SPRED2: variants seen among roughly 807,000 people sequenced by gnomAD.
The protein encoded by SPRED2 is sprouty-related, EVH1 domain-containing protein 2.
A neutral mutation model predicts 43.0 loss-of-function variants in SPRED2; 47 were observed. The observed-to-expected ratio is 1.09, with a 90% CI of 0.87 to 1.40. The LOEUF (loss-of-function observed/expected upper bound fraction) is 1.40, where lower values mean the gene tolerates loss of function less well. Among genes scored for constraint, SPRED2 ranks in the 40% most tolerant of loss-of-function variants. The probability of loss-of-function intolerance (pLI) is 0.00; values close to 1 mark genes in which losing one functional copy is unlikely to be tolerated. For missense variants in SPRED2, 561 were observed against 586.4 expected (o/e 0.96, Z 0.45); for synonymous variants, 225 against 225.7 (o/e 1.00, Z 0.03).
intron 4 of SPRED2, among the ~76,000 whole-genome samples, chr2:65,326,818 T>A (rs759747645): frequency 1.5e-4 from 23 of 152,098 alleles, no homozygotes; most frequent in Non-Finnish European, 3.1e-4. Flanking sequence ...AAAACAATTT[T>A]GTGAAAAATT....
At chr2:65,327,713 C>CTTTTTTTTTTTTTTTTTTTTTTT (rs555549300) in intron 4 of SPRED2, among the ~76,000 whole-genome samples, 2 of 74,446 alleles carry the variant, frequency 2.7e-5, no homozygotes, top group Non-Finnish European at 4.9e-5. Context: ...TTCTTTCTTT[C>CTTTTTTTTTTTTTTTTTTTTTTT]TTTTTTTTTT....
At chr2:65,326,121 A>G (rs139605911) in intron 4 of SPRED2, among the ~76,000 whole-genome samples, 1,563 of 152,312 alleles carry the variant, frequency 0.01, 9 homozygotes, top group South Asian at 0.046. Flanking sequence ...TTTTGCTGCA[A>G]TCTACCACCA....
At chr2:65,342,113 A>T (rs1674200914) in intron 2 of SPRED2, among the ~76,000 whole-genome samples, 1 of 150,610 alleles carries the variant, frequency 6.6e-6, no homozygotes, top group Admixed American at 6.6e-5. Flanking sequence ...ACAAACAGAA[A>T]AACATTTTAT....
chr2:65,307,277 C>T (rs147902022), downstream of SPRED2, among the ~76,000 whole-genome samples: 11 of 152,140 alleles, frequency 7.2e-5, no homozygotes, highest in Non-Finnish European at 1.6e-4. Context: ...CTCACTGCAG[C>T]CTTTGCCTCC....
intron 2 of SPRED2, among the ~76,000 whole-genome samples, chr2:65,342,875 G>C (rs10165161): frequency 0.23 from 34,956 of 152,118 alleles, 4,750 homozygotes; most frequent in African/African-American, 0.38. Flanking sequence ...TACTCTGGAG[G>C]ATGAGGTGGG....
downstream of SPRED2, chr2:65,308,205 G>C (rs892341355): frequency 1.4e-6 from 1 of 695,108 alleles, no homozygotes; most frequent in Non-Finnish European, 1.8e-6. Flanking sequence ...GAGAAGCGGG[G>C]TGGGAGGTTC....
At chr2:65,355,015 G>A (rs757309028) in intron 1 of SPRED2, among the ~76,000 whole-genome samples, 6 of 152,222 alleles carry the variant, frequency 3.9e-5, no homozygotes, top group African/African-American at 9.6e-5. Flanking sequence ...TCAGGCCTGG[G>A]GGGACTGGCA....
rs200147258 is a variant in SPRED2, at chr2:65,313,790, C to T, written c.968G>A (p.Arg323Gln). Residue 323 changes from arginine to glutamine, a missense_variant, in exon 6 of 6, where the codon CGG becomes CAG. This residue lies in a region of SPRED2 where 164 missense variants were observed against 164.1 expected (regional missense o/e 1.00). Coordinates refer to ENST00000356388, the MANE Select transcript of SPRED2 (RefSeq NM_181784.3). ...GTCGGGCGCGTCCTGGCAGTGGCCC[C>T]GGCGGTTCTCCTCGTGGTTGAACAT... ...RDMFNHEENR[R>Q]GHCQDAPDSV... 11 of 1,613,982 alleles carry T rather than the reference C, an allele frequency of 6.8e-6. No individual in the cohort carries two copies. Among genetic ancestry groups the T allele is most frequent in the Non-Finnish European group, 9.3e-6 (11 of 1,180,038 alleles).
chr2:65,334,301 T>A (rs754705014), intron 3 of SPRED2: 2 of 498,680 alleles, frequency 4.0e-6, no homozygotes, highest in South Asian at 3.1e-5. Flanking sequence ...GCCATTTCAA[T>A]AGTCAGGACA....
intron 1 of SPRED2, among the ~76,000 whole-genome samples, chr2:65,414,441 C>A (rs752292277): frequency 3.9e-5 from 6 of 152,106 alleles, no homozygotes; most frequent in Non-Finnish European, 8.8e-5. Flanking sequence ...GCTAATATTC[C>A]TGCTGCCTTT....
intron 1 of SPRED2, among the ~76,000 whole-genome samples, chr2:65,425,617 C>T (rs1271786855): frequency 4.6e-5 from 7 of 152,200 alleles, no homozygotes; most frequent in African/African-American, 7.2e-5. Flanking sequence ...CAAGATGTAA[C>T]AATCCTTCAT....
chr2:65,409,329 A>G (rs186133589), intron 1 of SPRED2, among the ~76,000 whole-genome samples: 1 of 152,372 alleles, frequency 6.6e-6, no homozygotes, highest in East Asian at 1.9e-4. Context: ...GTACAAAAAA[A>G]GAATGTGAAA....
chr2:65,336,043 T>C (rs1346191660), intron 2 of SPRED2, among the ~76,000 whole-genome samples: 6 of 152,192 alleles, frequency 3.9e-5, no homozygotes, highest in African/African-American at 2.4e-5. Flanking sequence ...TAAGTATAAA[T>C]TCTAAGAATA....
At chr2:65,379,619 C>A (rs1206432076) in intron 1 of SPRED2, among the ~76,000 whole-genome samples, 1 of 152,184 alleles carries the variant, frequency 6.6e-6, no homozygotes, top group Non-Finnish European at 1.5e-5. Context: ...CCTATGACAA[C>A]CCTGAAGTGT....
intron 1 of SPRED2, among the ~76,000 whole-genome samples, chr2:65,350,758 G>A (rs886720102): frequency 6.6e-6 from 1 of 152,210 alleles, no homozygotes; most frequent in Non-Finnish European, 1.5e-5. Flanking sequence ...CAGCCTTTAT[G>A]TTCTAAGTGT....
chr2:65,352,757 G>A (rs1674547028), intron 1 of SPRED2, among the ~76,000 whole-genome samples: 1 of 152,152 alleles, frequency 6.6e-6, no homozygotes, highest in Non-Finnish European at 1.5e-5. Context: ...TCGAGTAGCT[G>A]GGATTACAGG....
At chr2:65,377,645 C>T (rs115524563) in intron 1 of SPRED2, 5 of 471,266 alleles carry the variant, frequency 1.1e-5, no homozygotes, top group African/African-American at 8.0e-5. Flanking sequence ...CTGACCTGAA[C>T]CCAGATGCCC....
chr2:65,344,136 C>CAAAAAAAAAAA (rs147613284), intron 2 of SPRED2: 1 of 73,262 alleles, frequency 1.4e-5, no homozygotes, highest in African/African-American at 4.7e-5. Context: ...GACTCCGTCT[C>CAAAAAAAAAAA]AAAAAAAAAA....
intron 1 of SPRED2, among the ~76,000 whole-genome samples, chr2:65,407,136 C>A (rs1676043304): frequency 6.6e-6 from 1 of 151,800 alleles, no homozygotes; most frequent in African/African-American, 2.4e-5. Context: ...ACCATGTTAG[C>A]CAGGATGGTC....
Sources: allele counts gnomAD v4.1 joint callset (sites outside exome capture counted in the v4.1 genomes callset), GRCh38; gene constraint gnomAD v4.1.1; regional missense constraint gnomAD v4.1.1; transcripts MANE v1.5; gene names NCBI Gene and HGNC (gene_info 2026-07-23, HGNC 2026-07-21).